KCNN3: variants seen among roughly 807,000 people sequenced by gnomAD.
The protein encoded by KCNN3 is potassium calcium-activated channel subfamily N member 3.
A neutral mutation model predicts 62.9 loss-of-function variants in KCNN3; 16 were observed. The observed-to-expected ratio is 0.25, with a 90% CI of 0.17 to 0.39. The LOEUF (loss-of-function observed/expected upper bound fraction) is 0.39, where lower values mean the gene tolerates loss of function less well. KCNN3 is among the 10% of genes least tolerant of loss of function. The probability of loss-of-function intolerance (pLI) is 1.00; values close to 1 mark genes in which losing one functional copy is unlikely to be tolerated. For missense variants in KCNN3, 599 were observed against 949.4 expected (o/e 0.63, Z 4.85); for synonymous variants, 370 against 389.2 (o/e 0.95, Z 0.58).
At chr1:154,714,560 T>G (rs1700186502) in intron 6 of KCNN3, among the ~76,000 whole-genome samples, 1 of 103,722 alleles carries the variant, frequency 9.6e-6, no homozygotes, top group Non-Finnish European at 2.0e-5. Flanking sequence ...GTGTGTGGTG[T>G]GTGTGTGGTG....
In KCNN3 at chr1:154,857,903, G is replaced by A. The variant is rs1360063871; in HGVS notation, c.933+11129C>T. Among the ~76,000 whole-genome samples the A allele has an allele frequency of 3.9e-5, 6 of 152,060 alleles. 1 individual carries two copies. Among genetic ancestry groups the A allele is most frequent in the Admixed American group, 2.6e-4 (4 of 15,260 alleles). On this transcript the variant is annotated intron_variant, in intron 1 of 7. Transcript: ENST00000271915. ...GGTGTTGCTTTGGAGTCATTCTTAC[G>A]GAAGGAAAAATAAGTTCCCATGTAA...
intron 2 of KCNN3, among the ~76,000 whole-genome samples, chr1:154,785,572 CTTTTTTT>C (rs59033291): frequency 4.6e-5 from 5 of 107,960 alleles, no homozygotes; most frequent in East Asian, 2.7e-4. Context: ...TTTTCTTTTT[CTTTTTTT>C]TTTTTTTTTT....
At chr1:154,795,261 A>C (rs543724438) in intron 2 of KCNN3, among the ~76,000 whole-genome samples, 2 of 152,334 alleles carry the variant, frequency 1.3e-5, no homozygotes, top group South Asian at 4.1e-4. Context: ...TAATCTGGGA[A>C]GCCAAGTCCC....
chr1:154,717,519 T>C (rs1474405377), intron 5 of KCNN3, among the ~76,000 whole-genome samples: 2 of 151,082 alleles, frequency 1.3e-5, no homozygotes, highest in Non-Finnish European at 2.9e-5. Flanking sequence ...TTTCCTGTTT[T>C]CCAGGATCAA....
Position 154,765,675 on chromosome 1 carries a change from C to A in KCNN3, c.1448+6300G>T, listed in dbSNP as rs1482659766. On this transcript the variant is annotated intron_variant, in intron 3 of 7. Transcript: ENST00000271915. ...ACAGGGTCTCACTCTGTCACCCAGG[C>A]TGGAGTGCAGTGGCGCAATCTCTGC... Among the ~76,000 whole-genome samples the A allele has an allele frequency of 6.9e-5, 10 of 145,894 alleles. No individual in the cohort carries two copies. The East Asian group carries it at 2.0e-3, about 29-fold the overall frequency.
intron 3 of KCNN3, among the ~76,000 whole-genome samples, chr1:154,753,921 G>A (rs997542333): frequency 2.6e-5 from 4 of 152,182 alleles, no homozygotes; most frequent in Admixed American, 2.0e-4. Flanking sequence ...GAGGGCAGGT[G>A]ACTTGCCCAG....
At chr1:154,784,718 A>G (rs1423955718) in intron 2 of KCNN3, among the ~76,000 whole-genome samples, 1 of 152,234 alleles carries the variant, frequency 6.6e-6, no homozygotes, top group Non-Finnish European at 1.5e-5. Flanking sequence ...AACAATGGTA[A>G]CAGCAGGGGC....
Position 154,707,945 on chromosome 1 carries a change from T to G in KCNN3, c.*31A>C. ...GAGTTGATTTGCATCTTAAGACCTA[T>G]GGGTAATGCTTCTGGAGTGGGGAGA... On this transcript the variant is annotated 3_prime_UTR_variant, in exon 8 of 8. Transcript: ENST00000271915. 6.2e-7 allele frequency: 1 copy of G among 1,606,484 alleles called. No individual in the cohort carries two copies. Among genetic ancestry groups the G allele is most frequent in the Non-Finnish European group, 8.5e-7 (1 of 1,175,062 alleles).
intron 5 of KCNN3, among the ~76,000 whole-genome samples, chr1:154,718,593 A>G (rs1269438033): frequency 6.6e-6 from 1 of 152,246 alleles, no homozygotes. Flanking sequence ...AGCACCTATG[A>G]TGGGCCAGAC....
chr1:154,758,791 G>GTTTTTTTGT (rs373869530), intron 3 of KCNN3, among the ~76,000 whole-genome samples: 3 of 148,318 alleles, frequency 2.0e-5, no homozygotes, highest in Non-Finnish European at 4.5e-5. Flanking sequence ...GGAGAACATC[G>GTTTTTTTGT]TTTTGTTTTT....
intron 2 of KCNN3, among the ~76,000 whole-genome samples, chr1:154,776,939 C>T (rs956575806): frequency 6.6e-6 from 1 of 152,004 alleles, no homozygotes; most frequent in Non-Finnish European, 1.5e-5. Context: ...AGGGTTGGGA[C>T]CCCCCAACCA....
intron 3 of KCNN3, among the ~76,000 whole-genome samples, chr1:154,768,652 GGGT>G (rs1648405815): frequency 6.6e-6 from 1 of 152,192 alleles, no homozygotes; most frequent in Admixed American, 6.5e-5. Context: ...CCCAGGCAAG[GGGT>G]TTGACCTGAA....
rs761545559 is a variant in KCNN3 at position 154,772,347 on chromosome 1, G to C, written c.1076C>G (p.Thr359Ser). The part of the protein sequence containing the change: ...NGADDWRIAM[T>S]YERILYISLE... ...GCTGATGTACAGGATGCGCTCGTAG[G>C]TCATGGCTATCCGCCAGTCATCCGC... The change falls in exon 3 of 8, where the codon ACC becomes AGC. Residue 359 changes from threonine (T) to serine (S), a missense_variant. By Grantham distance (58) the Thr-to-Ser change is moderately conservative. Coordinates refer to ENST00000271915, the MANE Select transcript of KCNN3 (RefSeq NM_002249.6). The surrounding 1 kb of genome is among the most constrained non-coding windows in gnomAD (Gnocchi z 5.6). The C allele has an allele frequency of 2.0e-5, 32 of 1,614,072 alleles. No homozygotes were observed. The Admixed American group carries it at 2.3e-4, about 12-fold the overall frequency.
chr1:154,813,850 G>A (rs1650542368), intron 2 of KCNN3, among the ~76,000 whole-genome samples: 1 of 152,240 alleles, frequency 6.6e-6, no homozygotes, highest in Non-Finnish European at 1.5e-5. Context: ...GCCAGGGCCA[G>A]GGAGAGCAGC....
rs991615457 is a variant in KCNN3 at position 154,841,814 on chromosome 1, G to T, written c.934-19630C>A. 3.3e-5 allele frequency among the ~76,000 whole-genome samples: 5 copies of T among 152,210 alleles called. No individual in the cohort carries two copies. The East Asian group carries it at 9.6e-4, about 29-fold the overall frequency. On this transcript the variant is annotated intron_variant, in intron 1 of 7. Coordinates refer to ENST00000271915, the MANE Select transcript of KCNN3 (RefSeq NM_002249.6). ...GGGGCTGTGCAGGGCTGGGGAGAGC[G>T]GGCTGAGTGTGTGCAGATGGCCTAT...
At chr1:154,846,572 C>G (rs778837242) in intron 1 of KCNN3, among the ~76,000 whole-genome samples, 1 of 152,214 alleles carries the variant, frequency 6.6e-6, no homozygotes, top group East Asian at 1.9e-4. Flanking sequence ...CCTCTACAGA[C>G]AGTGTACCCC....
chr1:154,827,769 A>G (rs1651198351), intron 1 of KCNN3, among the ~76,000 whole-genome samples: 1 of 152,108 alleles, frequency 6.6e-6, no homozygotes, highest in Non-Finnish European at 1.5e-5. Flanking sequence ...ACTGCACTCC[A>G]GCCTGGGAGA....
chr1:154,857,537 G>A (rs1336967375), intron 1 of KCNN3, among the ~76,000 whole-genome samples: 2 of 152,138 alleles, frequency 1.3e-5, no homozygotes, highest in South Asian at 2.1e-4. Flanking sequence ...GTGGGCGGGA[G>A]TGGAGAGCTC....
At chr1:154,793,069 A>C (rs1158920692) in intron 2 of KCNN3, among the ~76,000 whole-genome samples, 2 of 152,214 alleles carry the variant, frequency 1.3e-5, no homozygotes, top group Non-Finnish European at 2.9e-5. Flanking sequence ...TCTCACCACA[A>C]ACACCTAGAA....
Sources: allele counts gnomAD v4.1 joint callset (sites outside exome capture counted in the v4.1 genomes callset), GRCh38; gene constraint gnomAD v4.1.1; non-coding constraint Gnocchi (gnomAD v3.1); transcripts MANE v1.5; gene names NCBI Gene and HGNC (gene_info 2026-07-23, HGNC 2026-07-21).